ULK2: variants seen among roughly 807,000 people sequenced by gnomAD.
The protein encoded by ULK2 is unc-51 like autophagy activating kinase 2, also known as serine/threonine-protein kinase ULK2.
ULK2 carries 76 observed loss-of-function variants against 127.5 expected under a neutral mutation model. That is an observed-to-expected ratio of 0.60 (90% CI 0.50 to 0.72). The LOEUF (loss-of-function observed/expected upper bound fraction) is 0.72. Ranked by LOEUF, ULK2 falls within the 30% of genes least tolerant of loss-of-function variation. The pLI is 0.00. For missense variants in ULK2, 1,144 were observed against 1,295.9 expected (o/e 0.88, Z 1.80); for synonymous variants, 452 against 461.9 (o/e 0.98, Z 0.28).
intron 10 of ULK2, among the ~76,000 whole-genome samples, chr17:19,826,402 A>T (rs548354512): frequency 7.8e-4 from 118 of 152,130 alleles, no homozygotes; most frequent in Non-Finnish European, 1.4e-3. Context: ...ATCAATAACA[A>T]ATTTTAAATA....
Position 19,801,873 on chromosome 17 carries a change from G to C in ULK2, c.1345C>G (p.Pro449Ala), listed in dbSNP as rs201765692. ...SNTSPMGFLR[P>A]GSCSPVPADT... ...GCTGGTACTGGGGAGCATGATCCCG[G>C]CCGGAGGAAGCCCATGGGGCTGGTG... is the stretch of plus-strand genomic sequence containing the variant. The change falls in exon 16 of 27, where the codon CCG (proline) becomes GCG (alanine). Residue 449 changes from proline to alanine, a missense_variant. Pro to Ala is a conservative substitution (Grantham distance 27). Transcript: ENST00000395544. 6.2e-7 allele frequency: 1 copy of C among 1,614,066 alleles called. No homozygotes were observed. The highest frequency in any genetic ancestry group is 8.5e-7 in the Non-Finnish European group (1 of 1,179,990).
Position 19,781,886 on chromosome 17 carries a change from C to G in ULK2, c.2639+3G>C. ...TGGAAATGAATGACAAGGGGGCACC[C>G]ACCCCCAGTCTTTGCTCAGCTGACT... On this transcript the variant is annotated splice_donor_region_variant and intron_variant, in intron 23 of 26. Coordinates refer to ENST00000395544, the MANE Select transcript of ULK2 (RefSeq NM_014683.4). 1 of 1,611,040 alleles carries G rather than the reference C, an allele frequency of 6.2e-7. No homozygotes were observed. The highest frequency in any genetic ancestry group is 8.5e-7 in the Non-Finnish European group (1 of 1,178,574).
chr17:19,835,160 T>C (rs1052446302), intron 10 of ULK2, among the ~76,000 whole-genome samples: 1 of 151,266 alleles, frequency 6.6e-6, no homozygotes, highest in Non-Finnish European at 1.5e-5. Flanking sequence ...TTTCTTTTTT[T>C]TTTGGAGATG....
intron 12 of ULK2, among the ~76,000 whole-genome samples, chr17:19,821,559 G>A (rs2041145485): frequency 6.6e-6 from 1 of 152,206 alleles, no homozygotes; most frequent in South Asian, 2.1e-4. Context: ...GTCCTAGAAA[G>A]AAGGGGAAGC....
chr17:19,867,250 G>C, intron 1 of ULK2, 78 bp downstream of exon 1: 2 of 1,208,968 alleles, frequency 1.7e-6, no homozygotes. Context: ...GTCTCGGCTC[G>C]CGGCTGCGCC....
At chr17:19,782,768 T>C (rs1303861336) in intron 22 of ULK2, among the ~76,000 whole-genome samples, 2 of 151,916 alleles carry the variant, frequency 1.3e-5, no homozygotes, top group Non-Finnish European at 2.9e-5. Flanking sequence ...ATACAAAAAT[T>C]AGCTGGGCGT....
At chr17:19,867,219 G>A (rs1467081694) in intron 1 of ULK2, 109 bp downstream of exon 1, 3 of 808,664 alleles carry the variant, frequency 3.7e-6, no homozygotes, top group Admixed American at 7.7e-5. Context: ...TAGCATACCC[G>A]GGCGGCTAGC....
intron 18 of ULK2, among the ~76,000 whole-genome samples, chr17:19,796,780 G>T (rs2087281724): frequency 6.6e-6 from 1 of 152,102 alleles, no homozygotes; most frequent in South Asian, 2.1e-4. Flanking sequence ...TCCATTACTT[G>T]GTCAGGGTCT....
At chr17:19,811,737 T>TCAA (rs2087645862) in intron 13 of ULK2, among the ~76,000 whole-genome samples, 1 of 152,150 alleles carries the variant, frequency 6.6e-6, no homozygotes, top group Non-Finnish European at 1.5e-5. Flanking sequence ...CCACTGAACC[T>TCAA]GGCCTCAAGT....
intron 20 of ULK2, among the ~76,000 whole-genome samples, chr17:19,792,744 A>C (rs1458812965): frequency 7.3e-6 from 1 of 136,502 alleles, no homozygotes; most frequent in African/African-American, 2.5e-5. Context: ...AAAAACAAAC[A>C]AAAAAAAACC....
intron 10 of ULK2, among the ~76,000 whole-genome samples, chr17:19,827,743 C>G (rs917645256): frequency 6.6e-5 from 10 of 152,076 alleles, no homozygotes; most frequent in Admixed American, 3.3e-4. Context: ...GAAACCCCGT[C>G]TCTACTAAAA....
In ULK2 at chr17:19,773,265, ACT is replaced by A. The variant is rs1202307861; in HGVS notation, c.*3082_*3083del. 3.3e-5 allele frequency: 5 copies of A among 152,270 alleles called. No individual in the cohort carries two copies. Among genetic ancestry groups the A allele is most frequent in the Admixed American group, 6.5e-5 (1 of 15,280 alleles). 9.4% of individuals were successfully genotyped at this position (152,270 alleles called of 1,614,324 possible). Reference sequence around the variant, plus strand: ...GCACTCCAGCCTGGGCAACAGGGTGACTCTGTCTCAAAACAAGCCAACAAAAA... The same window carrying A: ...GCACTCCAGCCTGGGCAACAGGGTGACTGTCTCAAAACAAGCCAACAAAAA... On this transcript the variant is annotated 3_prime_UTR_variant, in exon 27 of 27. Transcript: ENST00000395544.
chr17:19,786,724 AAAAAAG>A (rs1269096028), intron 20 of ULK2, among the ~76,000 whole-genome samples: 146 of 151,928 alleles, frequency 9.6e-4, no homozygotes, highest in Non-Finnish European at 1.8e-3. Flanking sequence ...AAAAAAAAAA[AAAAAAG>A]AAAGAAAAGA....
Position 19,797,579 on chromosome 17 carries a change from G to C in ULK2, c.1626C>G (p.Leu542=). 1.9e-6 allele frequency: 3 copies of C among 1,613,802 alleles called. No homozygotes were observed. Among genetic ancestry groups the C allele is most frequent in the South Asian group, 2.2e-5 (2 of 91,042 alleles). Residue 542 remains leucine (L), a synonymous_variant, in exon 18 of 27, where the codon CTC becomes CTG. Transcript: ENST00000395544. ...LTDIYQNKQK[L]RKQHSDPVCP... is the part of the protein sequence containing the mutation. ...ACACGGGGTCAGAGTGCTGTTTTCT[G>C]AGCTTCTGCTTGTTCTGATAGATGT...
intron 10 of ULK2, among the ~76,000 whole-genome samples, chr17:19,828,634 C>T (rs1253443966): frequency 1.3e-5 from 2 of 152,104 alleles, no homozygotes; most frequent in Non-Finnish European, 2.9e-5. Flanking sequence ...TAAAAAACAA[C>T]ACTAAAGAGA....
In ULK2 at chr17:19,783,761, G is replaced by C; in HGVS notation, c.2396C>G (p.Pro799Arg). The change falls in exon 22 of 27, where the codon CCC (proline) becomes CGC (arginine). Residue 799 changes from proline (P) to arginine (R), a missense_variant. Physicochemically the swap from Pro to Arg is moderately radical, Grantham distance 103 (BLOSUM62 -2). Around this residue, in one of 2 missense-constraint regions of ULK2, gnomAD observed 913 missense variants for 970.5 expected, o/e 0.94. Transcript: ENST00000395544. ...GGTGATGAGCCCCTCTAGGCTGGGG[G>C]GTGAAGCACCGTAAGGCACGTATCT... Reference protein sequence around the residue: ...SLRYVPYGASPPSLEGLITFE... With the variant: ...SLRYVPYGASRPSLEGLITFE... 1 of 1,600,784 alleles carries C rather than the reference G, an allele frequency of 6.2e-7. No individual in the cohort carries two copies.
rs1009070320 is a variant in ULK2 at position 19,773,954 on chromosome 17, G to A, written c.*2395C>T. ...TCAATGGAAGGAGGGGACAGGGACT[G>A]TGGGAAACCAACTATATACAGCATA... On this transcript the variant is annotated 3_prime_UTR_variant, in exon 27 of 27. Transcript: ENST00000395544. The A allele has an allele frequency of 6.6e-6, 1 of 152,238 alleles. No homozygotes were observed. Among genetic ancestry groups the A allele is most frequent in the African/African-American group, 2.4e-5 (1 of 41,446 alleles). 9.4% of individuals were successfully genotyped at this position (152,238 alleles called of 1,614,324 possible).
chr17:19,798,076 G>A (rs2087314037), intron 17 of ULK2, among the ~76,000 whole-genome samples: 1 of 152,140 alleles, frequency 6.6e-6, no homozygotes, highest in Non-Finnish European at 1.5e-5. Flanking sequence ...ATAAATCTAT[G>A]TAATTATTCT....
intron 20 of ULK2, among the ~76,000 whole-genome samples, chr17:19,789,532 T>C (rs1346703063): frequency 1.3e-5 from 2 of 152,044 alleles, no homozygotes; most frequent in African/African-American, 4.8e-5. Context: ...CAGGAAAACA[T>C]GAACTTACCA....
Sources: allele counts gnomAD v4.1 joint callset (sites outside exome capture counted in the v4.1 genomes callset), GRCh38; gene constraint gnomAD v4.1.1; regional missense constraint gnomAD v4.1.1; transcripts MANE v1.5; gene names NCBI Gene and HGNC (gene_info 2026-07-23, HGNC 2026-07-21).